The following SYN3 variants were observed in gnomAD, a reference collection of about 807,000 sequenced individuals.
The protein encoded by SYN3 is synapsin-3.
SYN3 carries 35 observed loss-of-function variants against 65.8 expected under a neutral mutation model. The ratio of observed to expected loss-of-function variants is 0.53; its 90% CI spans 0.41 to 0.70. The LOEUF (loss-of-function observed/expected upper bound fraction) is 0.70, where lower values mean the gene tolerates loss of function less well. Ranked by LOEUF, SYN3 falls within the 30% of genes least tolerant of loss-of-function variation. The pLI is 0.00. For synonymous variants in SYN3, 270 were observed against 292.9 expected, an observed-to-expected ratio of 0.92 and a Z score of 0.80; for missense variants, 680 against 749.0, an observed-to-expected ratio of 0.91 and a Z score of 1.08.
chr22:32,887,368 C>T (rs1471601926), intron 4 of SYN3, among the ~76,000 whole-genome samples: 1 of 151,516 alleles, frequency 6.6e-6, no homozygotes, highest in African/African-American at 2.4e-5. Flanking sequence ...ACAGCGAGAC[C>T]GTGTCTCAGA....
chr22:32,751,662 C>T (rs773544694), intron 6 of SYN3, among the ~76,000 whole-genome samples: 2 of 152,178 alleles, frequency 1.3e-5, no homozygotes, highest in Non-Finnish European at 2.9e-5. Context: ...AGAATCAGAA[C>T]AGGAGGAATA....
chr22:32,717,072 C>T (rs1424908457), intron 6 of SYN3, among the ~76,000 whole-genome samples: 1 of 152,140 alleles, frequency 6.6e-6, no homozygotes, highest in African/African-American at 2.4e-5. Context: ...TTCTAAGAAA[C>T]TTACATATAT....
chr22:32,574,353 C>A (rs943251829), intron 7 of SYN3, among the ~76,000 whole-genome samples: 10 of 152,034 alleles, frequency 6.6e-5, no homozygotes, highest in Non-Finnish European at 1.0e-4. Context: ...GTGGTGCACG[C>A]CAGTAGTCCC....
intron 8 of SYN3, among the ~76,000 whole-genome samples, chr22:32,540,584 C>T (rs2058238629): frequency 6.6e-6 from 1 of 152,208 alleles, no homozygotes; most frequent in Non-Finnish European, 1.5e-5. Context: ...ACGAGACAGT[C>T]TGCCTATTCC....
intron 6 of SYN3, among the ~76,000 whole-genome samples, chr22:32,789,177 C>CA (rs952741022): frequency 3.9e-5 from 6 of 152,276 alleles, no homozygotes; most frequent in African/African-American, 1.4e-4. Flanking sequence ...GAGCAATAGA[C>CA]AAAAAAATGA....
chr22:32,979,187 CAAAA>C (rs35720827), intron 3 of SYN3, among the ~76,000 whole-genome samples: 2 of 88,772 alleles, frequency 2.3e-5, no homozygotes, highest in Non-Finnish European at 2.2e-5. Context: ...GACTCCATCT[CAAAA>C]AAAAAAAAAA....
intron 10 of SYN3, 134 bp from the exon 11 acceptor site, chr22:32,529,142 A>T: frequency 9.1e-7 from 1 of 1,103,264 alleles, no homozygotes; most frequent in Non-Finnish European, 1.3e-6. Context: ...CATGCAAATC[A>T]CCTCCAGCTG....
At chr22:32,681,479 G>T (rs2060521931) in intron 6 of SYN3, among the ~76,000 whole-genome samples, 1 of 152,190 alleles carries the variant, frequency 6.6e-6, no homozygotes, top group Non-Finnish European at 1.5e-5. Flanking sequence ...CTTCTCAACA[G>T]CCATGGAACA....
At chr22:32,667,733 C>G (rs1474018690) in intron 6 of SYN3, among the ~76,000 whole-genome samples, 1 of 151,812 alleles carries the variant, frequency 6.6e-6, no homozygotes, top group Admixed American at 6.6e-5. Context: ...GTCAGTCAGT[C>G]AAGGTCGGGA....
At chr22:32,912,792 C>T (rs1161874931) in intron 4 of SYN3, among the ~76,000 whole-genome samples, 1 of 151,942 alleles carries the variant, frequency 6.6e-6, no homozygotes, top group East Asian at 1.9e-4. Flanking sequence ...CTAGCAAAGG[C>T]AAAACTAGAC....
At chr22:33,018,609 A>C (rs2053510049) in intron 1 of SYN3, among the ~76,000 whole-genome samples, 2 of 152,226 alleles carry the variant, frequency 1.3e-5, no homozygotes, top group Non-Finnish European at 2.9e-5. Flanking sequence ...AGTAAGGTGA[A>C]AATCATAAGG....
At chr22:32,675,586 C>T (rs934865221) in intron 6 of SYN3, among the ~76,000 whole-genome samples, 28 of 152,086 alleles carry the variant, frequency 1.8e-4, no homozygotes, top group African/African-American at 2.9e-4. Flanking sequence ...CAGAGTAACA[C>T]GTTTCTTCTC....
chr22:32,793,213 C>A (rs1739784254), intron 6 of SYN3, among the ~76,000 whole-genome samples: 1 of 152,148 alleles, frequency 6.6e-6, no homozygotes, highest in Non-Finnish European at 1.5e-5. Flanking sequence ...CTCTCATGGG[C>A]CCAGCCTGAA....
chr22:33,001,492 C>T (rs991349252), intron 2 of SYN3, among the ~76,000 whole-genome samples: 10 of 152,148 alleles, frequency 6.6e-5, no homozygotes, highest in Admixed American at 2.0e-4. Flanking sequence ...GAGTGACCAA[C>T]GGACCAATGG....
intron 7 of SYN3, chr22:32,584,267 T>C (rs2146511426): frequency 6.6e-6 from 1 of 152,338 alleles, no homozygotes; most frequent in Middle Eastern, 3.4e-3. Context: ...TATGATGACA[T>C]CATGACGCAA....
intron 4 of SYN3, among the ~76,000 whole-genome samples, chr22:32,898,859 T>C (rs913291642): frequency 6.6e-6 from 1 of 152,068 alleles, no homozygotes; most frequent in Non-Finnish European, 1.5e-5. Context: ...TCCCAACACT[T>C]TGGGAGGCCG....
chr22:32,856,050 T>C (rs1601552041), intron 6 of SYN3, among the ~76,000 whole-genome samples: 1 of 152,246 alleles, frequency 6.6e-6, no homozygotes, highest in African/African-American at 2.4e-5. Context: ...ACCAGCCAAA[T>C]AGAATTTCTA....
At chr22:32,617,688 G>T (rs967943655) in intron 6 of SYN3, among the ~76,000 whole-genome samples, 6 of 152,068 alleles carry the variant, frequency 3.9e-5, no homozygotes, top group Non-Finnish European at 8.8e-5. Flanking sequence ...GCCCAGTAAA[G>T]AATTTTTAGT....
At chr22:32,584,270 T>G (rs563393672) in intron 7 of SYN3, 2 of 152,370 alleles carry the variant, frequency 1.3e-5, no homozygotes, top group South Asian at 2.1e-4. Context: ...GATGACATCA[T>G]GACGCAATAT....
Sources: allele counts gnomAD v4.1 joint callset (sites outside exome capture counted in the v4.1 genomes callset), GRCh38; gene constraint gnomAD v4.1.1; transcripts MANE v1.5; gene names NCBI Gene and HGNC (gene_info 2026-07-23, HGNC 2026-07-21).